CSMD3: variants seen among roughly 807,000 people sequenced by gnomAD.
The protein encoded by CSMD3 is CUB and sushi domain-containing protein 3.
CSMD3 carries 177 observed loss-of-function variants against 435.2 expected under a neutral mutation model. That is an observed-to-expected ratio of 0.41 (90% CI 0.36 to 0.46). The LOEUF (loss-of-function observed/expected upper bound fraction) is 0.46, where lower values mean the gene tolerates loss of function less well. Among genes scored for constraint, CSMD3 ranks in the 20% least tolerant of loss-of-function variants. The pLI is 0.34. For missense variants in CSMD3, 4,265 were observed against 4,504.6 expected, an observed-to-expected ratio of 0.95 and a Z score of 1.52; for synonymous variants, 1,656 against 1,520.5, an observed-to-expected ratio of 1.09 and a Z score of -2.07.
At chr8:112,815,284 G>A (rs1471039553) in intron 12 of CSMD3, among the ~76,000 whole-genome samples, 1 of 152,038 alleles carries the variant, frequency 6.6e-6, no homozygotes, top group African/African-American at 2.4e-5. Flanking sequence ...TTTATTTAGG[G>A]ACATAGGATT....
intron 6 of CSMD3, among the ~76,000 whole-genome samples, chr8:112,992,899 G>A (rs2085508929): frequency 6.6e-6 from 1 of 151,438 alleles, no homozygotes; most frequent in Non-Finnish European, 1.5e-5. Context: ...TGACACAGTG[G>A]CATGTGGGGA....
chr8:113,308,186 T>C (rs911243883), intron 2 of CSMD3, among the ~76,000 whole-genome samples: 4 of 151,508 alleles, frequency 2.6e-5, no homozygotes, highest in African/African-American at 4.8e-5. Context: ...TGATGATTGA[T>C]GAGATATTGA....
intron 63 of CSMD3, among the ~76,000 whole-genome samples, chr8:112,248,324 G>A (rs553721655): frequency 4.6e-5 from 7 of 152,206 alleles, no homozygotes; most frequent in African/African-American, 1.4e-4. Flanking sequence ...GGTCTCAAAT[G>A]GCAGGATATG....
At chr8:112,616,138 A>C (rs954773814) in intron 22 of CSMD3, among the ~76,000 whole-genome samples, 1 of 152,114 alleles carries the variant, frequency 6.6e-6, no homozygotes, top group Admixed American at 6.6e-5. Context: ...AAGTTACATA[A>C]TCTCAAGTGC....
chr8:113,381,204 G>A (rs2094413745), intron 1 of CSMD3, among the ~76,000 whole-genome samples: 1 of 152,164 alleles, frequency 6.6e-6, no homozygotes, highest in African/African-American at 2.4e-5. Context: ...CAAGTGGAAA[G>A]AGAAACACAA....
chr8:112,339,887 TCTC>T (rs1227312010), intron 42 of CSMD3, among the ~76,000 whole-genome samples: 4 of 152,208 alleles, frequency 2.6e-5, no homozygotes, highest in African/African-American at 7.2e-5. Context: ...ATTCACAACA[TCTC>T]CTCATCATTG....
intron 5 of CSMD3, among the ~76,000 whole-genome samples, chr8:113,060,839 T>C (rs1290672532): frequency 1.3e-5 from 2 of 152,144 alleles, no homozygotes; most frequent in African/African-American, 2.4e-5. Flanking sequence ...GCAAATCAGC[T>C]GAGGTTTAGG....
At chr8:113,136,056 T>C (rs2091410839) in intron 4 of CSMD3, among the ~76,000 whole-genome samples, 1 of 151,688 alleles carries the variant, frequency 6.6e-6, no homozygotes, top group Non-Finnish European at 1.5e-5. Flanking sequence ...TAAGACATAG[T>C]ATGGGAGAAA....
intron 31 of CSMD3, among the ~76,000 whole-genome samples, chr8:112,474,944 C>T (rs4876472): frequency 0.22 from 32,845 of 151,972 alleles, 4,145 homozygotes; most frequent in Middle Eastern, 0.36. Context: ...AGATGCACCC[C>T]TCTCATCACT....
chr8:113,142,511 C>T (rs1564360868), intron 4 of CSMD3, among the ~76,000 whole-genome samples: 1 of 150,876 alleles, frequency 6.6e-6, no homozygotes, highest in Non-Finnish European at 1.5e-5. Context: ...AAAAGCAGTT[C>T]AATGAAAGAA....
chr8:112,405,041 G>A (rs1327865125), intron 35 of CSMD3, among the ~76,000 whole-genome samples: 1 of 150,016 alleles, frequency 6.7e-6, no homozygotes, highest in Non-Finnish European at 1.5e-5. Context: ...ACAAAAATTA[G>A]CTGGGCATGG....
intron 10 of CSMD3, among the ~76,000 whole-genome samples, chr8:112,898,003 G>A (rs536208144): frequency 4.0e-5 from 6 of 150,848 alleles, no homozygotes; most frequent in East Asian, 3.9e-4. Context: ...AGTATGTCCC[G>A]CTGTCTTTAT....
chr8:113,219,190 C>A (rs1393749495), intron 3 of CSMD3, among the ~76,000 whole-genome samples: 1 of 151,062 alleles, frequency 6.6e-6, no homozygotes, highest in Non-Finnish European at 1.5e-5. Flanking sequence ...GGGTATCTAC[C>A]ATTTTTGCCA....
chr8:112,567,611 T>G (rs980672790), intron 24 of CSMD3, among the ~76,000 whole-genome samples: 1 of 152,122 alleles, frequency 6.6e-6, no homozygotes, highest in Admixed American at 6.6e-5. Context: ...AGAAATGATA[T>G]CTCTATAACT....
chr8:112,323,570 T>A (rs1453971387), intron 45 of CSMD3, among the ~76,000 whole-genome samples: 1 of 152,076 alleles, frequency 6.6e-6, no homozygotes, highest in Non-Finnish European at 1.5e-5. Flanking sequence ...ACAGGTAAGA[T>A]GGTCATGTGA....
rs116625812 is a variant in CSMD3 at position 112,294,444 on chromosome 8, T to C, written c.8614+1389A>G. Among the ~76,000 whole-genome samples the C allele has an allele frequency of 3.6e-3, 545 of 152,256 alleles. 2 individuals carry two copies. The highest frequency in any genetic ancestry group is 1.0e-2 in the African/African-American group (414 of 41,566). On this transcript the variant is annotated intron_variant, in intron 54 of 70. Coordinates refer to ENST00000297405, the MANE Select transcript of CSMD3 (RefSeq NM_198123.2). ...AATATAAATGTCCGTTATCTGGAGA[T>C]GGATATTATTAGGTGAAAAATATAA...
intron 3 of CSMD3, among the ~76,000 whole-genome samples, chr8:113,219,990 T>A (rs867166444): frequency 6.6e-6 from 1 of 151,516 alleles, no homozygotes; most frequent in Non-Finnish European, 1.5e-5. Flanking sequence ...CACAATTCAA[T>A]ATATAAAATA....
At chr8:112,427,462 C>T (rs1813186913) in intron 32 of CSMD3, among the ~76,000 whole-genome samples, 1 of 152,076 alleles carries the variant, frequency 6.6e-6, no homozygotes, top group Non-Finnish European at 1.5e-5. Context: ...CCTATGCTGC[C>T]ACCACGTGAG....
intron 11 of CSMD3, among the ~76,000 whole-genome samples, chr8:112,848,930 A>G (rs2080404716): frequency 6.6e-6 from 1 of 152,100 alleles, no homozygotes; most frequent in Admixed American, 6.6e-5. Context: ...GGTCATGGTA[A>G]GCCATATTCT....
Sources: allele counts gnomAD v4.1 joint callset (sites outside exome capture counted in the v4.1 genomes callset), GRCh38; gene constraint gnomAD v4.1.1; transcripts MANE v1.5; gene names NCBI Gene and HGNC (gene_info 2026-07-23, HGNC 2026-07-21).